Variants in ACAT2 observed in about 807,000 individuals in gnomAD.
ACAT2 encodes acetyl-CoA acetyltransferase, cytosolic.
Under a neutral mutation model 37.1 loss-of-function variants are expected in ACAT2, and 26 were observed. The observed-to-expected ratio is 0.70, with a 90% confidence interval of 0.51 to 0.97. The LOEUF is 0.97. ACAT2 is among the 50% of genes least tolerant of loss of function. ACAT2 has a pLI of 0.00. For synonymous variants in ACAT2, 156 were observed against 163.6 expected (o/e 0.95, Z 0.35); for missense variants, 468 against 489.0 (o/e 0.96, Z 0.40).
chr6:159,777,603 T>C (rs1185417561), intron 7 of ACAT2, 147 bp downstream of exon 7: 4 of 1,029,390 alleles, frequency 3.9e-6, no homozygotes, highest in Non-Finnish European at 5.5e-6. Flanking sequence ...CTTGCTCTGT[T>C]GTCCAGGCTG....
chr6:159,765,697 A>C (rs570205882), intron 2 of ACAT2, among the ~76,000 whole-genome samples: 1 of 151,570 alleles, frequency 6.6e-6, no homozygotes, highest in African/African-American at 2.4e-5. Context: ...CGGCCTCCCA[A>C]AGTGCTGGGA....
At position 159,767,006 on chromosome 6, in the gene ACAT2, C is replaced by T. The variant is rs1397039126; in HGVS notation, c.192C>T (p.Gly64=). ...EVIFGHVLAA[G]CGQNPVRQAS... ...AGTCCTCTGTGTTCCTCTTTCTAGGCTGTGGGCAGAATCCTGTTAGACAAG... is the reference window on the plus strand; with the variant it reads ...AGTCCTCTGTGTTCCTCTTTCTAGGTTGTGGGCAGAATCCTGTTAGACAAG... Residue 64 remains glycine (G), a splice_region_variant and synonymous_variant, in exon 3 of 9, where the codon GGC becomes GGT. Transcript: ENST00000367048. 2 of 1,613,842 alleles carry T rather than the reference C, an allele frequency of 1.2e-6. No individual in the cohort carries two copies. Among genetic ancestry groups the T allele is most frequent in the East Asian group, 2.2e-5 (1 of 44,896 alleles).
chr6:159,772,177 A>T (rs1295438020), intron 4 of ACAT2, among the ~76,000 whole-genome samples: 1 of 152,116 alleles, frequency 6.6e-6, no homozygotes, highest in African/African-American at 2.4e-5. Context: ...GTAAGCTGAG[A>T]TATTGCACCA....
chr6:159,778,975 A>G lies in ACAT2; in HGVS notation c.*146A>G. On this transcript the variant is annotated 3_prime_UTR_variant, in exon 9 of 9. Transcript: ENST00000367048. ...AGTTTACAGCTTGTACTTTACTTTA[A>G]TGTGTAATACTCAACTCAAGGTACA... is the stretch of plus-strand genomic sequence containing the variant. The G allele has an allele frequency of 6.4e-7, 1 of 1,562,962 alleles. No homozygotes were observed. Among genetic ancestry groups the G allele is most frequent in the South Asian group, 1.2e-5 (1 of 84,666 alleles).
In ACAT2 at chr6:159,777,247, A is replaced by G. The variant is rs545024209; in HGVS notation, c.758-55A>G. 432 of 1,565,284 alleles carry G rather than the reference A, an allele frequency of 2.8e-4. 3 individuals are homozygous for G. The highest frequency in any genetic ancestry group is 6.5e-5 in the Non-Finnish European group (75 of 1,154,560). On this transcript the variant is annotated intron_variant, in intron 6 of 8. Coordinates refer to ENST00000367048, the MANE Select transcript of ACAT2 (RefSeq NM_005891.3). ...TCTTCAGGTGGTAAAGAAGCCACAG[A>G]TATGTAACTGAGGTTAATAAGCATG...
chr6:159,763,647 TTTTTTTTTTTG>T (rs1780200036), intron 2 of ACAT2, among the ~76,000 whole-genome samples: 1 of 130,826 alleles, frequency 7.6e-6, no homozygotes, highest in African/African-American at 2.9e-5. Context: ...TTTTTTTTTT[TTTTTTTTTTTG>T]AGACGGAGTC....
chr6:159,766,589 C>T (rs1409440897), intron 2 of ACAT2, among the ~76,000 whole-genome samples: 5 of 152,100 alleles, frequency 3.3e-5, no homozygotes, highest in Non-Finnish European at 7.4e-5. Flanking sequence ...TTAGTACAGA[C>T]AGAGTTTCTC....
chr6:159,769,147 A>G (rs1455953535), intron 4 of ACAT2, among the ~76,000 whole-genome samples: 1 of 152,254 alleles, frequency 6.6e-6, no homozygotes, highest in Non-Finnish European at 1.5e-5. Context: ...GCTCAAATGC[A>G]TGCAGCAATG....
chr6:159,774,865 A>G (rs1430793770), intron 4 of ACAT2, among the ~76,000 whole-genome samples: 4 of 152,266 alleles, frequency 2.6e-5, no homozygotes, highest in East Asian at 1.9e-4. Flanking sequence ...CAGATGGTTC[A>G]GAAAGAAAAT....
chr6:159,767,216 C>T, intron 3 of ACAT2, 30 bp downstream of exon 3: 1 of 1,610,318 alleles, frequency 6.2e-7, no homozygotes, highest in Non-Finnish European at 8.5e-7. Flanking sequence ...GTGGCTTTCA[C>T]TGACCTCACA....
rs4832 is a variant in ACAT2 at position 159,778,994 on chromosome 6, A to C, written c.*165A>C. Reference sequence around the variant, plus strand: ...ACTTTAATGTGTAATACTCAACTCAAGGTACAAGACAATTGCATTTAACAT... The same window carrying C: ...ACTTTAATGTGTAATACTCAACTCACGGTACAAGACAATTGCATTTAACAT... On this transcript the variant is annotated 3_prime_UTR_variant, in exon 9 of 9. Coordinates refer to ENST00000367048, the MANE Select transcript of ACAT2 (RefSeq NM_005891.3). The C allele has an allele frequency of 0.2, 316,674 of 1,581,040 alleles. 33,207 individuals are homozygous for C. The highest frequency in any genetic ancestry group is 0.38 in the East Asian group (17,107 of 44,520).
At chr6:159,778,424 TAAAAAAA>T (rs1162214335) in intron 8 of ACAT2, 144 bp downstream of exon 8, 23 of 91,368 alleles carry the variant, frequency 2.5e-4, no homozygotes, top group East Asian at 1.6e-3. Context: ...TCCCAAGGTT[TAAAAAAA>T]AAAAAAAAAA....
At chr6:159,775,424 G>T in intron 5 of ACAT2, 111 bp downstream of exon 5, 2 of 1,333,296 alleles carry the variant, frequency 1.5e-6, no homozygotes, top group South Asian at 2.9e-5. Context: ...TGTTTTTCAG[G>T]TTGCAAATAT....
At chr6:159,777,636 C>T (rs1385871350) in intron 7 of ACAT2, among the ~76,000 whole-genome samples, 180 bp downstream of exon 7, 1 of 152,190 alleles carries the variant, frequency 6.6e-6, no homozygotes, top group Admixed American at 6.5e-5. Context: ...ACCATCATAG[C>T]TCACTGCAGC....
At chr6:159,767,276 A>G in intron 3 of ACAT2, 90 bp downstream of exon 3, 1 of 1,339,066 alleles carries the variant, frequency 7.5e-7, no homozygotes, top group Non-Finnish European at 1.1e-6. Flanking sequence ...TGCATAGCAG[A>G]GCTGGAACCA....
intron 5 of ACAT2, chr6:159,775,788 T>G (rs1049428492): frequency 4.5e-6 from 1 of 223,580 alleles, no homozygotes; most frequent in Non-Finnish European, 8.8e-6. Flanking sequence ...ATATCTCTTA[T>G]GTCCTGCCAG....
intron 4 of ACAT2, among the ~76,000 whole-genome samples, chr6:159,769,181 A>C (rs1780299154): frequency 6.6e-6 from 1 of 152,234 alleles, no homozygotes; most frequent in African/African-American, 2.4e-5. Context: ...GTAACACATA[A>C]ATATGTGAAA....
At chr6:159,774,884 A>C (rs1251355662) in intron 4 of ACAT2, among the ~76,000 whole-genome samples, 1 of 152,240 alleles carries the variant, frequency 6.6e-6, no homozygotes, top group Non-Finnish European at 1.5e-5. Context: ...ATATTAAAGC[A>C]AATGGAGGGA....
intron 7 of ACAT2, 84 bp downstream of exon 7, chr6:159,777,540 T>A: frequency 3.6e-6 from 5 of 1,397,318 alleles, no homozygotes; most frequent in Non-Finnish European, 4.8e-6. Flanking sequence ...GCTCTAGTCT[T>A]TCCCTACCAG....
Sources: gnomAD v4.1 joint callset for allele counts (sites outside exome capture counted in the v4.1 genomes callset) on GRCh38, gnomAD v4.1.1 for gene constraint, MANE v1.5 for transcripts, NCBI Gene and HGNC (gene_info 2026-07-23, HGNC 2026-07-21) for gene names.